Variants in ZPBP observed in about 807,000 individuals in gnomAD.
The protein encoded by ZPBP is zona pellucida-binding protein 1.
ZPBP carries 26 observed loss-of-function variants against 44.8 expected under a neutral mutation model. That is an observed-to-expected ratio of 0.58 (90% CI 0.43 to 0.81). The LOEUF (loss-of-function observed/expected upper bound fraction) is 0.81. Ranked by LOEUF, ZPBP falls within the 30% of genes least tolerant of loss-of-function variation. The pLI is 0.00. For synonymous variants in ZPBP, 174 were observed against 153.2 expected, an observed-to-expected ratio of 1.14 and a Z score of -1.00; for missense variants, 409 against 434.0, an observed-to-expected ratio of 0.94 and a Z score of 0.51.
At chr7:49,934,409 T>C (rs972235355), downstream of ZPBP, among the ~76,000 whole-genome samples, 4 of 150,240 alleles carry the variant, frequency 2.7e-5, no homozygotes, top group African/African-American at 9.8e-5. Flanking sequence ...GTGAATGTAA[T>C]TCATTTCACT....
chr7:49,885,533 A>AAAATTGGCCGGGCACGGTG (rs1791865259), intron 2 of ZPBP, among the ~76,000 whole-genome samples: 1 of 151,650 alleles, frequency 6.6e-6, no homozygotes. Flanking sequence ...ATTTTTTCTA[A>AAAATTGGCCGGGCACGGTG]TAACGTTTTT....
At chr7:49,982,274 A>AT (rs1797039465) in intron 7 of ZPBP, among the ~76,000 whole-genome samples, 1 of 105,348 alleles carries the variant, frequency 9.5e-6, no homozygotes, top group Non-Finnish European at 1.8e-5. Context: ...TATTATATAT[A>AT]ATTTATAATT....
chr7:50,064,532 C>G (rs866451631), intron 3 of ZPBP, among the ~76,000 whole-genome samples: 10 of 152,272 alleles, frequency 6.6e-5, no homozygotes, highest in Non-Finnish European at 1.5e-4. Flanking sequence ...GAGACAGCTA[C>G]GCCCAGGGGG....
chr7:49,948,494 T>A (rs1795198363), intron 7 of ZPBP, among the ~76,000 whole-genome samples: 1 of 150,996 alleles, frequency 6.6e-6, no homozygotes, highest in Non-Finnish European at 1.5e-5. Flanking sequence ...TGGTTAACAT[T>A]TTTTTTTTGA....
chr7:49,932,731 T>G (rs1794488344), downstream of ZPBP, among the ~76,000 whole-genome samples: 1 of 151,980 alleles, frequency 6.6e-6, no homozygotes. Flanking sequence ...ACTATATGGT[T>G]TAGCTGTGTC....
chr7:50,081,669 A>T (rs573844353), intron 3 of ZPBP, 105 bp downstream of exon 3: 2 of 1,383,492 alleles, frequency 1.4e-6, no homozygotes, highest in Middle Eastern at 5.0e-4. Flanking sequence ...CAAGAAAAAG[A>T]ATTGAGGAAA....
downstream of ZPBP, among the ~76,000 whole-genome samples, chr7:49,849,753 T>C (rs1440269175): frequency 6.6e-6 from 1 of 152,216 alleles, no homozygotes; most frequent in Non-Finnish European, 1.5e-5. Context: ...CTGTCACTTA[T>C]TCTGCTCTCT....
chr7:50,030,263 C>A (rs1436751294), intron 5 of ZPBP, among the ~76,000 whole-genome samples: 1 of 151,070 alleles, frequency 6.6e-6, no homozygotes, highest in Non-Finnish European at 1.5e-5. Context: ...AGGGGAATAG[C>A]AAGGGGAGGG....
intron 2 of ZPBP, among the ~76,000 whole-genome samples, chr7:49,858,533 C>CA (rs563777901): frequency 7.7e-4 from 101 of 131,890 alleles, no homozygotes; most frequent in African/African-American, 2.8e-3. Context: ...GGAAGGGGAA[C>CA]ATCACACACT....
intron 2 of ZPBP, among the ~76,000 whole-genome samples, chr7:49,889,457 A>T (rs545773824): frequency 6.6e-6 from 1 of 152,370 alleles, no homozygotes; most frequent in Admixed American, 6.5e-5. Flanking sequence ...GAAGAAATGC[A>T]TGAGAGGCAG....
At chr7:50,023,750 G>GA (rs1042242660) in intron 5 of ZPBP, among the ~76,000 whole-genome samples, 6 of 151,904 alleles carry the variant, frequency 3.9e-5, no homozygotes, top group African/African-American at 7.2e-5. Context: ...AGTTCTAATG[G>GA]AAAAAATGGG....
At chr7:49,857,395 T>G in intron 2 of ZPBP, among the ~76,000 whole-genome samples, 1 of 152,254 alleles carries the variant, frequency 6.6e-6, no homozygotes, top group South Asian at 2.1e-4. Context: ...TATTCCAATG[T>G]AGGCATATAG....
intron 2 of ZPBP, among the ~76,000 whole-genome samples, chr7:49,862,575 T>C (rs1790698279): frequency 6.6e-6 from 1 of 152,146 alleles, no homozygotes; most frequent in Non-Finnish European, 1.5e-5. Context: ...TATTTCACCA[T>C]TGAGTAAAAT....
intron 2 of ZPBP, among the ~76,000 whole-genome samples, chr7:49,897,504 T>C (rs1792449049): frequency 6.6e-6 from 1 of 152,320 alleles, no homozygotes; most frequent in South Asian, 2.1e-4. Flanking sequence ...CACTGATCAA[T>C]AGAGTTTCCA....
intron 5 of ZPBP, 43 bp from the exon 6 acceptor site, chr7:50,018,359 T>C (rs1205724500): frequency 7.3e-7 from 1 of 1,362,822 alleles, no homozygotes; most frequent in African/African-American, 1.4e-5. Context: ...TAATGTATTC[T>C]GTCACAATAT....
chr7:50,070,862 T>C (rs189632829), intron 3 of ZPBP, among the ~76,000 whole-genome samples: 66 of 152,306 alleles, frequency 4.3e-4, no homozygotes, highest in African/African-American at 1.4e-3. Flanking sequence ...CTTGAGTTTA[T>C]CTGTCTAGTG....
chr7:49,992,378 G>C (rs983503487), intron 6 of ZPBP, among the ~76,000 whole-genome samples: 1 of 151,916 alleles, frequency 6.6e-6, no homozygotes, highest in East Asian at 1.9e-4. Context: ...AAACACAAGG[G>C]AATCTGTATC....
At chr7:50,009,861 C>T (rs1162505340) in intron 6 of ZPBP, among the ~76,000 whole-genome samples, 1 of 144,452 alleles carries the variant, frequency 6.9e-6, no homozygotes, top group Non-Finnish European at 1.5e-5. Context: ...CATTTGAAAA[C>T]CAAAATTAAA....
intron 7 of ZPBP, among the ~76,000 whole-genome samples, chr7:49,970,257 A>T (rs768753543): frequency 9.8e-5 from 15 of 152,290 alleles, no homozygotes; most frequent in Non-Finnish European, 2.2e-4. Context: ...ACTCAAACAG[A>T]GAATCAAAAT....
Sources: gnomAD v4.1 joint callset for allele counts (sites outside exome capture counted in the v4.1 genomes callset) on GRCh38, gnomAD v4.1.1 for gene constraint, MANE v1.5 for transcripts, NCBI Gene and HGNC (gene_info 2026-07-23, HGNC 2026-07-21) for gene names.